The following MAPK10 variants were observed in gnomAD, a reference collection of about 807,000 sequenced individuals.
MAPK10 encodes JNK3 alpha protein kinase.
MAPK10 carries 25 observed loss-of-function variants against 59.3 expected under a neutral mutation model. The observed-to-expected ratio is 0.42, with a 90% CI of 0.31 to 0.59. MAPK10 has a LOEUF of 0.59. Ranked by LOEUF, MAPK10 falls within the 20% of genes least tolerant of loss-of-function variation. MAPK10 has a pLI of 0.15. For missense variants in MAPK10, 351 were observed against 568.9 expected (o/e 0.62, Z 3.90); for synonymous variants, 190 against 200.5 (o/e 0.95, Z 0.44).
chr4:86,018,585 A>T (rs1291766109), intron 13 of MAPK10, among the ~76,000 whole-genome samples: 1 of 152,228 alleles, frequency 6.6e-6, no homozygotes, highest in Non-Finnish European at 1.5e-5. Flanking sequence ...TAGCTTTGAG[A>T]TCAACAAAAG....
intron 3 of MAPK10, 27 bp downstream of exon 3, chr4:86,194,309 C>T (rs1225084400): frequency 1.3e-6 from 2 of 1,589,544 alleles, no homozygotes; most frequent in Non-Finnish European, 1.7e-6. Flanking sequence ...TATACTGTAC[C>T]TTGTTTTACC....
chr4:86,171,162 GA>G (rs2074002133), intron 3 of MAPK10: 1 of 151,424 alleles, frequency 6.6e-6, no homozygotes, highest in African/African-American at 2.4e-5. Context: ...ACAATTAAAA[GA>G]ACTAGAAAAG....
chr4:86,515,821 TGCA>T (rs1364481501), intron 1 of MAPK10, among the ~76,000 whole-genome samples: 2 of 152,198 alleles, frequency 1.3e-5, no homozygotes, highest in African/African-American at 4.8e-5. Context: ...TCTTTTGTTG[TGCA>T]GAAGCTTTTT....
At chr4:86,385,677 A>T (rs1741361751) in intron 1 of MAPK10, among the ~76,000 whole-genome samples, 1 of 152,232 alleles carries the variant, frequency 6.6e-6, no homozygotes, top group Non-Finnish European at 1.5e-5. Flanking sequence ...AAAAATCCAC[A>T]CAGAATGAAT....
intron 2 of MAPK10, among the ~76,000 whole-genome samples, chr4:86,305,530 A>T (rs1447435089): frequency 6.6e-6 from 1 of 152,072 alleles, no homozygotes; most frequent in Non-Finnish European, 1.5e-5. Context: ...AATAACAACA[A>T]AATCAAGGCC....
At chr4:86,150,051 G>A (rs1417299145) in intron 4 of MAPK10, among the ~76,000 whole-genome samples, 3 of 152,170 alleles carry the variant, frequency 2.0e-5, no homozygotes, top group African/African-American at 7.2e-5. Flanking sequence ...TGGAACCAAC[G>A]TAAGTGCCCA....
At chr4:86,045,969 G>A (rs995119784) in intron 11 of MAPK10, among the ~76,000 whole-genome samples, 2 of 151,628 alleles carry the variant, frequency 1.3e-5, no homozygotes, top group African/African-American at 2.4e-5. Context: ...TTTGGAATAC[G>A]TATCATCAAC....
chr4:86,178,797 TA>T (rs911147438), intron 3 of MAPK10, among the ~76,000 whole-genome samples: 1 of 152,136 alleles, frequency 6.6e-6, no homozygotes, highest in African/African-American at 2.4e-5. Context: ...AAGACTCTAC[TA>T]AAAAACCCTT....
At position 86,574,434 on chromosome 4, in the gene MAPK10, C is replaced by T. The variant is rs1282358780; in HGVS notation, c.-263+19476G>A. 1.3e-5 allele frequency among the ~76,000 whole-genome samples: 2 copies of T among 151,476 alleles called. 1 individual carries two copies. The highest frequency in any genetic ancestry group is 3.0e-5 in the Non-Finnish European group (2 of 67,732). On this transcript the variant is annotated intron_variant, in intron 1 of 4. Coordinates refer to the MAPK10 transcript ENST00000502302. Reference sequence around the variant, plus strand: ...GGGCATATACCCAGTAATGGGATGGCTGGGTCAAATGGTATTTCTAGTTCT... The same window carrying T: ...GGGCATATACCCAGTAATGGGATGGTTGGGTCAAATGGTATTTCTAGTTCT...
intron 2 of MAPK10, among the ~76,000 whole-genome samples, chr4:86,271,617 G>C (rs1212799192): frequency 6.6e-6 from 1 of 151,930 alleles, no homozygotes; most frequent in Admixed American, 6.6e-5. Context: ...TAAACTGGGT[G>C]ATTTATTATG....
At chr4:86,390,281 T>C (rs141302819) in intron 1 of MAPK10, among the ~76,000 whole-genome samples, 2 of 152,338 alleles carry the variant, frequency 1.3e-5, no homozygotes, top group African/African-American at 4.8e-5. Flanking sequence ...AAAGATATTA[T>C]TTAAAAAGTC....
chr4:86,119,140 CAG>C (rs1164381868), intron 4 of MAPK10, among the ~76,000 whole-genome samples: 2 of 152,136 alleles, frequency 1.3e-5, no homozygotes, highest in African/African-American at 4.8e-5. Context: ...TTACAAGTAA[CAG>C]AATTCTGAAT....
At chr4:86,029,962 T>C (rs1421601089) in intron 12 of MAPK10, among the ~76,000 whole-genome samples, 1 of 118,484 alleles carries the variant, frequency 8.4e-6, no homozygotes, top group African/African-American at 4.1e-5. Flanking sequence ...GTTTCAGTTC[T>C]GTTTACTCTG....
Position 86,180,947 on chromosome 4 carries a change from C to T in MAPK10, c.66+13389G>A, listed in dbSNP as rs938162265. Among the ~76,000 whole-genome samples, 11 of 151,962 alleles carry T rather than the reference C, an allele frequency of 7.2e-5. No homozygotes were observed. In the South Asian group the frequency reaches 2.1e-3, roughly 29 times the overall value. On this transcript the variant is annotated intron_variant, in intron 3 of 13. Transcript: ENST00000641462. Reference sequence around the variant, plus strand: ...GGTGTTCTACAGCACTGTAGGGTGACTATAGTTTATATTATAAATTTCAAA... The same window carrying T: ...GGTGTTCTACAGCACTGTAGGGTGATTATAGTTTATATTATAAATTTCAAA...
intron 2 of MAPK10, among the ~76,000 whole-genome samples, chr4:86,200,827 T>TCAAG (rs967914843): frequency 6.6e-6 from 1 of 151,920 alleles, no homozygotes; most frequent in African/African-American, 2.4e-5. Context: ...ATCCATCACC[T>TCAAG]CAAGCATTTA....
chr4:86,368,631 G>A (rs551138433), intron 1 of MAPK10, among the ~76,000 whole-genome samples: 42 of 152,160 alleles, frequency 2.8e-4, no homozygotes, highest in African/African-American at 9.4e-4. Context: ...ATAAAAGTAC[G>A]GGTTTGCTTT....
At chr4:86,210,795 C>G (rs537623340) in intron 2 of MAPK10, among the ~76,000 whole-genome samples, 1 of 150,904 alleles carries the variant, frequency 6.6e-6, no homozygotes, top group South Asian at 2.1e-4. Context: ...GACTTTAAAA[C>G]AATTCTTTCA....
chr4:86,452,694 A>G (rs535784591), intron 1 of MAPK10, among the ~76,000 whole-genome samples: 1 of 152,338 alleles, frequency 6.6e-6, no homozygotes, highest in African/African-American at 2.4e-5. Context: ...AGCTTGGATA[A>G]CAGATAGCTT....
chr4:86,521,989 T>C (rs1757144830), intron 1 of MAPK10, among the ~76,000 whole-genome samples: 1 of 151,538 alleles, frequency 6.6e-6, no homozygotes, highest in African/African-American at 2.4e-5. Flanking sequence ...ATGGCTTCCC[T>C]GGGTTGAGCT....
Sources: gnomAD v4.1 joint callset for allele counts (sites outside exome capture counted in the v4.1 genomes callset) on GRCh38, gnomAD v4.1.1 for gene constraint, MANE v1.5 for transcripts, NCBI Gene and HGNC (gene_info 2026-07-23, HGNC 2026-07-21) for gene names.